Variants in SULF1 observed in about 807,000 individuals in gnomAD.
The protein encoded by SULF1 is extracellular sulfatase Sulf-1.
In SULF1, 46 loss-of-function variants were observed where a neutral mutation model predicts 110.5. The ratio of observed to expected loss-of-function variants is 0.42; its 90% CI spans 0.33 to 0.53. The LOEUF is 0.53. Among genes scored for constraint, SULF1 ranks in the 20% least tolerant of loss-of-function variants. SULF1 has a pLI of 0.12. For synonymous variants in SULF1, 371 were observed against 387.1 expected (o/e 0.96, Z 0.49); for missense variants, 941 against 1,094.2 (o/e 0.86, Z 1.98).
chr8:69,478,465 A>G (rs530347465), intron 1 of SULF1, among the ~76,000 whole-genome samples: 186 of 152,232 alleles, frequency 1.2e-3, no homozygotes, highest in African/African-American at 4.1e-3. Flanking sequence ...GCTCTTTCCT[A>G]AAGTGGTTCA....
chr8:69,480,573 T>C (rs1809476192), intron 1 of SULF1, among the ~76,000 whole-genome samples: 1 of 152,170 alleles, frequency 6.6e-6, no homozygotes, highest in Admixed American at 6.6e-5. Flanking sequence ...GCTTAATAAA[T>C]TACATGATTG....
rs150463355 is a variant in SULF1, at chr8:69,603,487, T to C, written c.1191-113T>C. ...CTTGTGAATAGCATATTGATGGAGATGCACTCATGGTCTGTGGGAAGTGAG... is the reference window on the plus strand; with the variant it reads ...CTTGTGAATAGCATATTGATGGAGACGCACTCATGGTCTGTGGGAAGTGAG... On this transcript the variant is annotated intron_variant, in intron 11 of 22. Transcript: ENST00000402687. 328 of 1,312,834 alleles carry C rather than the reference T, an allele frequency of 2.5e-4. 1 individual carries two copies. The African/African-American group carries it at 4.1e-3, about 17-fold the overall frequency. 81.3% of individuals were successfully genotyped at this position (1,312,834 alleles called of 1,614,324 possible). A position where few individuals can be genotyped will look rare whatever the true frequency, so the allele number is the denominator to read the frequency against.
At chr8:69,636,521 A>C (rs1213756367) in intron 19 of SULF1, among the ~76,000 whole-genome samples, 3 of 151,340 alleles carry the variant, frequency 2.0e-5, no homozygotes, top group African/African-American at 7.4e-5. Flanking sequence ...TGGGCGACAG[A>C]GCGATACTCC....
intron 3 of SULF1, among the ~76,000 whole-genome samples, chr8:69,519,432 T>G (rs998871708): frequency 6.7e-6 from 1 of 148,256 alleles, no homozygotes; most frequent in African/African-American, 2.6e-5. Context: ...ACATGTGGGG[T>G]TTTTTTAAGC....
intron 3 of SULF1, among the ~76,000 whole-genome samples, chr8:69,528,026 G>A (rs759740127): frequency 3.3e-5 from 5 of 152,120 alleles, no homozygotes; most frequent in African/African-American, 7.2e-5. Context: ...TGTGCTATAT[G>A]CAGCCCGTTT....
intron 2 of SULF1, among the ~76,000 whole-genome samples, chr8:69,499,004 A>G (rs1810595750): frequency 6.6e-6 from 1 of 152,158 alleles, no homozygotes; most frequent in Non-Finnish European, 1.5e-5. Flanking sequence ...GATCACAGGC[A>G]TGTGCAACCA....
At chr8:69,557,674 A>G (rs1433220613) in intron 3 of SULF1, among the ~76,000 whole-genome samples, 1 of 152,234 alleles carries the variant, frequency 6.6e-6, no homozygotes, top group Non-Finnish European at 1.5e-5. Context: ...ATATATATGA[A>G]TTAAGCCAAA....
In SULF1 at chr8:69,659,161, G is replaced by C; in HGVS notation, c.*626G>C. The C allele has an allele frequency of 2.2e-6, 1 of 456,718 alleles. No homozygotes were observed. Among genetic ancestry groups the C allele is most frequent in the South Asian group, 1.5e-5 (1 of 64,560 alleles). The allele number at this position is 456,718 out of a possible 1,614,324, so 28.3% of individuals were successfully genotyped here. ...TCAACTATATCTTCCTGTGCATTCC[G>C]ATGGAATTTCAGTTCATCAGATGTT... On this transcript the variant is annotated 3_prime_UTR_variant, in exon 23 of 23. Coordinates refer to ENST00000402687, the MANE Select transcript of SULF1 (RefSeq NM_001128205.2).
chr8:69,525,119 T>G (rs1765821286), intron 3 of SULF1, among the ~76,000 whole-genome samples: 1 of 152,218 alleles, frequency 6.6e-6, no homozygotes, highest in Non-Finnish European at 1.5e-5. Flanking sequence ...GTATTTATCC[T>G]GGTGACAGGT....
rs375117605 is a variant in SULF1 at position 69,587,927 on chromosome 8, T to C, written c.565-1045T>C. ...GAAAAGAATGAAACAGACACTCCCT[T>C]GGAAGAGGAAGGGGATAGCCTGTAG... On this transcript the variant is annotated intron_variant, in intron 7 of 22. Coordinates refer to ENST00000402687, the MANE Select transcript of SULF1 (RefSeq NM_001128205.2). 4.0e-4 allele frequency among the ~76,000 whole-genome samples: 61 copies of C among 152,308 alleles called. 1 individual carries two copies. The South Asian group carries it at 0.012, about 31-fold the overall frequency.
chr8:69,532,895 C>T (rs1813186300), intron 3 of SULF1, among the ~76,000 whole-genome samples: 1 of 152,116 alleles, frequency 6.6e-6, no homozygotes, highest in Admixed American at 6.5e-5. Context: ...TTTGACTATT[C>T]TAGGTATCTC....
At chr8:69,629,279 C>A (rs1810339530) in intron 18 of SULF1, among the ~76,000 whole-genome samples, 1 of 152,110 alleles carries the variant, frequency 6.6e-6, no homozygotes, top group African/African-American at 2.4e-5. Context: ...AGTGATCCGC[C>A]CACCTTAGCC....
At chr8:69,526,020 A>G (rs148077114) in intron 3 of SULF1, among the ~76,000 whole-genome samples, 2,376 of 152,320 alleles carry the variant, frequency 0.016, 57 homozygotes, top group African/African-American at 0.053. Flanking sequence ...ATTTGAGAAT[A>G]TAATATATTC....
intron 3 of SULF1, among the ~76,000 whole-genome samples, chr8:69,546,319 G>A (rs1441983606): frequency 2.6e-5 from 4 of 152,168 alleles, no homozygotes; most frequent in African/African-American, 9.7e-5. Context: ...AAATAAAGTT[G>A]TGCCTTATCA....
chr8:69,642,952 T>TG (rs1238918248), intron 22 of SULF1, among the ~76,000 whole-genome samples: 1 of 152,084 alleles, frequency 6.6e-6, no homozygotes, highest in African/African-American at 2.4e-5. Context: ...CTTGGCAACT[T>TG]TAGTTGTTGA....
At chr8:69,521,300 C>T (rs776901121) in intron 3 of SULF1, among the ~76,000 whole-genome samples, 11 of 152,096 alleles carry the variant, frequency 7.2e-5, no homozygotes, top group Non-Finnish European at 1.3e-4. Flanking sequence ...AATTAGAGAT[C>T]CCAACTTTTG....
chr8:69,488,759 C>T (rs1195847237), upstream of SULF1, among the ~76,000 whole-genome samples: 1 of 152,010 alleles, frequency 6.6e-6, no homozygotes, highest in Admixed American at 6.6e-5. Flanking sequence ...GTCACATAAA[C>T]TCACAGCCCA....
intron 19 of SULF1, among the ~76,000 whole-genome samples, chr8:69,632,008 C>G (rs1439555715): frequency 6.6e-6 from 1 of 152,226 alleles, no homozygotes; most frequent in Non-Finnish European, 1.5e-5. Context: ...CTCTATGATA[C>G]TGTATTCCTG....
Position 69,600,714 on chromosome 8 carries a change from G to A in SULF1, c.846G>A (p.Arg282=). The part of the protein sequence containing the change: ...MEFTNILQRK[R]LQTLMSVDDS... Reference sequence around the variant, plus strand: ...TTACAAACATTCTACAGCGCAAAAGGCTCCAGACTTTGATGTCAGTGGATG... The same window carrying A: ...TTACAAACATTCTACAGCGCAAAAGACTCCAGACTTTGATGTCAGTGGATG... Residue 282 remains arginine (R), a synonymous_variant, in exon 9 of 23, where the codon AGG becomes AGA. Transcript: ENST00000402687. The A allele has an allele frequency of 6.2e-7, 1 of 1,614,002 alleles. No individual in the cohort carries two copies. Among genetic ancestry groups the A allele is most frequent in the Admixed American group, 1.7e-5 (1 of 60,000 alleles).
Sources: gnomAD v4.1 joint callset for allele counts (sites outside exome capture counted in the v4.1 genomes callset) on GRCh38, gnomAD v4.1.1 for gene constraint, MANE v1.5 for transcripts, NCBI Gene and HGNC (gene_info 2026-07-23, HGNC 2026-07-21) for gene names.